COLEC11: variants seen among roughly 807,000 people sequenced by gnomAD.
COLEC11 encodes collectin subfamily member 11.
COLEC11 carries 20 observed loss-of-function variants against 27.3 expected under a neutral mutation model. That is an observed-to-expected ratio of 0.73 (90% CI 0.51 to 1.06). COLEC11 has a LOEUF of 1.06. COLEC11 is among the 50% of genes least tolerant of loss of function. The pLI, the probability that COLEC11 is intolerant of heterozygous loss-of-function variation, is 0.00. For missense variants in COLEC11, 310 were observed against 383.0 expected, an observed-to-expected ratio of 0.81 and a Z score of 1.59; for synonymous variants, 163 against 154.7, an observed-to-expected ratio of 1.05 and a Z score of -0.40.
chr2:3,610,832 G>C (rs200387830), intron 2 of COLEC11, among the ~76,000 whole-genome samples: 4 of 152,176 alleles, frequency 2.6e-5, no homozygotes. Context: ...TGAGGTTATT[G>C]CCTCATTTTA....
intron 3 of COLEC11, among the ~76,000 whole-genome samples, chr2:3,635,739 C>T (rs1444679466): frequency 1.3e-5 from 2 of 152,216 alleles, no homozygotes; most frequent in East Asian, 3.9e-4. Context: ...CCATTAGGAT[C>T]TCCCTCTGCC....
intron 2 of COLEC11, among the ~76,000 whole-genome samples, chr2:3,605,264 TCCAGGCCGCC>T (rs1558487850): frequency 6.7e-6 from 1 of 149,146 alleles, no homozygotes; most frequent in African/African-American, 2.5e-5. Context: ...CGCAGCAGAG[TCCAGGCCGCC>T]GCTGAGGGGA....
rs549923166 is a variant in COLEC11 at position 3,644,367 on chromosome 2, A to C, written c.*249A>C. ...TATTGTAGCCCCAATGTCATTATGT[A>C]ATTATTACCCAGAATTGCTCTTCCA... is the stretch of plus-strand genomic sequence containing the variant. On this transcript the variant is annotated 3_prime_UTR_variant, in exon 7 of 7. Transcript: ENST00000349077. 8.9e-6 allele frequency: 6 copies of C among 671,232 alleles called. No homozygotes were observed. The highest frequency in any genetic ancestry group is 7.5e-5 in the South Asian group (5 of 66,422). 41.6% of individuals were successfully genotyped at this position (671,232 alleles called of 1,614,324 possible). A position where few individuals can be genotyped will look rare whatever the true frequency, so the allele number is the denominator to read the frequency against.
chr2:3,640,445 A>C (rs538968672), intron 5 of COLEC11, 114 bp downstream of exon 5: 8 of 702,452 alleles, frequency 1.1e-5, no homozygotes, highest in Non-Finnish European at 1.8e-5. Flanking sequence ...CCCCTGTCAC[A>C]TCCCACAGTG....
chr2:3,642,654 C>T (rs564660761), intron 5 of COLEC11, among the ~76,000 whole-genome samples: 4 of 152,362 alleles, frequency 2.6e-5, no homozygotes, highest in African/African-American at 7.2e-5. Flanking sequence ...CCCCGGGCCC[C>T]TGTCTTTCCC....
At chr2:3,597,201 G>A (rs928206818) in intron 1 of COLEC11, among the ~76,000 whole-genome samples, 2 of 149,764 alleles carry the variant, frequency 1.3e-5, no homozygotes, top group African/African-American at 4.9e-5. Context: ...AAGAAATCCC[G>A]GCCTGGGCTG....
At chr2:3,616,117 C>A (rs113611227) in intron 3 of COLEC11, among the ~76,000 whole-genome samples, 1 of 146,324 alleles carries the variant, frequency 6.8e-6, no homozygotes, top group Admixed American at 6.7e-5. Flanking sequence ...TCAGATACCA[C>A]ACGGGGTCGT....
intron 1 of COLEC11, among the ~76,000 whole-genome samples, chr2:3,599,369 T>G (rs1662067444): frequency 6.6e-6 from 1 of 152,174 alleles, no homozygotes; most frequent in South Asian, 2.1e-4. Context: ...CTGTACCCAT[T>G]CTGCGGGAGA....
Position 3,644,595 on chromosome 2 carries a change from G to A in COLEC11, c.*477G>A, listed in dbSNP as rs965141492. 8.1e-6 allele frequency: 3 copies of A among 369,358 alleles called. No individual in the cohort carries two copies. The highest frequency in any genetic ancestry group is 6.4e-5 in the African/African-American group (3 of 47,026). The allele number at this position is 369,358 out of a possible 1,614,324, so 22.9% of individuals were successfully genotyped here. A position where few individuals can be genotyped will look rare whatever the true frequency, so the allele number is the denominator to read the frequency against. The stretch of plus-strand genomic sequence containing the variant: ...ATCCATGTAAAAACAATTTTGCTTT[G>A]CTTCAAACCCAGATTTCAGGAAAAC... On this transcript the variant is annotated 3_prime_UTR_variant, in exon 7 of 7. Coordinates refer to ENST00000349077, the MANE Select transcript of COLEC11 (RefSeq NM_024027.5).
chr2:3,644,114 T>C lies in COLEC11; in HGVS notation c.812T>C (p.Met271Thr), dbSNP rs781080059. ...YFMCEFDKEN[M>T] ...ATGTGTGAGTTTGACAAGGAGAACATGTGAGCCTCAGGCTGGGGCTGCCCA... is the reference window on the plus strand; with the variant it reads ...ATGTGTGAGTTTGACAAGGAGAACACGTGAGCCTCAGGCTGGGGCTGCCCA... The change falls in exon 7 of 7, where the codon ATG becomes ACG. Residue 271 changes from methionine to threonine, a missense_variant. Coordinates refer to ENST00000349077, the MANE Select transcript of COLEC11 (RefSeq NM_024027.5). 1.2e-6 allele frequency: 2 copies of C among 1,610,514 alleles called. No individual in the cohort carries two copies. Among genetic ancestry groups the C allele is most frequent in the East Asian group, 4.5e-5 (2 of 44,882 alleles).
intron 3 of COLEC11, chr2:3,625,873 T>TC (rs1312215972): frequency 1.3e-6 from 1 of 743,988 alleles, no homozygotes; most frequent in Non-Finnish European, 2.4e-6. Flanking sequence ...CCTCAAGAGA[T>TC]CCGCCTACCT....
rs113831750 is a variant in COLEC11 at position 3,606,740 on chromosome 2, G to A, written c.130+2270G>A. Among the ~76,000 whole-genome samples the A allele has an allele frequency of 2.1e-3, 313 of 152,364 alleles. 1 individual carries two copies. The highest frequency in any genetic ancestry group is 7.2e-3 in the African/African-American group (298 of 41,586). On this transcript the variant is annotated intron_variant, in intron 2 of 6. Coordinates refer to ENST00000349077, the MANE Select transcript of COLEC11 (RefSeq NM_024027.5). Reference sequence around the variant, plus strand: ...AGCACCAGGGGCAAGGAGCGGTTTAGAAGGATTCAGGATACCCAGCATGTC... The same window carrying A: ...AGCACCAGGGGCAAGGAGCGGTTTAAAAGGATTCAGGATACCCAGCATGTC...
chr2:3,598,559 CAAGG>C (rs1277898383), intron 1 of COLEC11, among the ~76,000 whole-genome samples: 1 of 152,240 alleles, frequency 6.6e-6, no homozygotes, highest in Non-Finnish European at 1.5e-5. Context: ...TGGCAGCGAA[CAAGG>C]AAGGTGGGAG....
chr2:3,613,449 G>A, intron 3 of COLEC11, 67 bp downstream of exon 3: 1 of 1,501,318 alleles, frequency 6.7e-7, no homozygotes, highest in Non-Finnish European at 9.1e-7. Context: ...CTAGAGCCGG[G>A]TGGGGAGGTG....
chr2:3,608,355 A>G (rs932127103), intron 2 of COLEC11, among the ~76,000 whole-genome samples: 21 of 152,208 alleles, frequency 1.4e-4, no homozygotes, highest in African/African-American at 4.3e-4. Flanking sequence ...GTAGTCAATC[A>G]TCCTGAAAAT....
chr2:3,629,371 G>T (rs1664803613), intron 3 of COLEC11, among the ~76,000 whole-genome samples: 1 of 152,214 alleles, frequency 6.6e-6, no homozygotes, highest in East Asian at 1.9e-4. Flanking sequence ...GGTATGTGGA[G>T]GTTGGGGTGT....
chr2:3,616,878 C>T (rs887798920), intron 3 of COLEC11, among the ~76,000 whole-genome samples: 2 of 152,194 alleles, frequency 1.3e-5, no homozygotes, highest in East Asian at 3.9e-4. Flanking sequence ...CCTCCAGGTT[C>T]ATCCAGGTCA....
chr2:3,634,779 C>T (rs1209125697), intron 3 of COLEC11, among the ~76,000 whole-genome samples: 4 of 152,010 alleles, frequency 2.6e-5, no homozygotes, highest in Non-Finnish European at 4.4e-5. Flanking sequence ...GGCCCCCTGA[C>T]GATGAAGGCA....
chr2:3,638,630 C>G (rs1039333151), intron 4 of COLEC11, among the ~76,000 whole-genome samples: 1 of 152,142 alleles, frequency 6.6e-6, no homozygotes, highest in Non-Finnish European at 1.5e-5. Context: ...CAGCCTGTAC[C>G]TGGTAGAAAG....
Sources: allele counts gnomAD v4.1 joint callset (sites outside exome capture counted in the v4.1 genomes callset), GRCh38; gene constraint gnomAD v4.1.1; transcripts MANE v1.5; gene names NCBI Gene and HGNC (gene_info 2026-07-23, HGNC 2026-07-21).